Variants in UFL1 observed in about 807,000 individuals in gnomAD.
UFL1 encodes the protein E3 UFM1-protein ligase 1.
Under a neutral mutation model 99.3 loss-of-function variants are expected in UFL1, and 78 were observed. The observed-to-expected ratio is 0.79, with a 90% CI of 0.65 to 0.95. UFL1 has a LOEUF of 0.95. UFL1 is among the 40% of genes least tolerant of loss of function. The probability of loss-of-function intolerance (pLI) is 0.00; values close to 1 mark genes in which losing one functional copy is unlikely to be tolerated. For missense variants in UFL1, 936 were observed against 937.0 expected (o/e 1.00, Z 0.01); for synonymous variants, 335 against 322.2 (o/e 1.04, Z -0.42).
intron 11 of UFL1, among the ~76,000 whole-genome samples, chr6:96,541,783 T>A (rs1484842807): frequency 6.6e-6 from 1 of 151,358 alleles, no homozygotes; most frequent in African/African-American, 2.4e-5. Flanking sequence ...TTATTTTCAG[T>A]GATAATGCTA....
intron 18 of UFL1, among the ~76,000 whole-genome samples, chr6:96,552,902 A>G (rs762285772): frequency 6.6e-6 from 1 of 152,122 alleles, no homozygotes; most frequent in African/African-American, 2.4e-5. Context: ...AATAATGTCA[A>G]ATCTCCCATT....
chr6:96,543,966 A>G (rs1034628464), intron 12 of UFL1, among the ~76,000 whole-genome samples: 1 of 151,160 alleles, frequency 6.6e-6, no homozygotes, highest in African/African-American at 2.4e-5. Context: ...TATAACCAAC[A>G]GTAAAAGCTT....
At position 96,529,194 on chromosome 6, in the gene UFL1, G is replaced by A. The variant is rs1457677508; in HGVS notation, c.596+562G>A. Among the ~76,000 whole-genome samples, 10 of 152,246 alleles carry A rather than the reference G, an allele frequency of 6.6e-5. No individual in the cohort carries two copies. In the East Asian group the frequency reaches 1.9e-3, roughly 29 times the overall value. On this transcript the variant is annotated intron_variant, in intron 6 of 18. Transcript: ENST00000369278. ...ATTTGGGTCTGTGTGACAGACTCCAGCATAGAATTCAGAAAACCTATATTC... is the reference window on the plus strand; with the variant it reads ...ATTTGGGTCTGTGTGACAGACTCCAACATAGAATTCAGAAAACCTATATTC...
At chr6:96,540,339 A>T (rs920360979) in intron 10 of UFL1, among the ~76,000 whole-genome samples, 196 bp from the exon 11 acceptor site, 1 of 151,486 alleles carries the variant, frequency 6.6e-6, no homozygotes, top group Admixed American at 6.6e-5. Flanking sequence ...GGTACAAAAA[A>T]GGTCAAGAGC....
intron 6 of UFL1, among the ~76,000 whole-genome samples, chr6:96,531,332 T>A (rs913922216): frequency 1.9e-4 from 29 of 152,226 alleles, no homozygotes; most frequent in Non-Finnish European, 2.9e-5. Context: ...TACTTCCATT[T>A]CTAGTCCAAT....
At chr6:96,551,579 A>AT (rs1770080878) in intron 16 of UFL1, 66 bp downstream of exon 16, 8 of 1,143,882 alleles carry the variant, frequency 7.0e-6, no homozygotes, top group East Asian at 2.7e-5. Context: ...CTTTGAGTAG[A>AT]TTTTTTTATC....
At chr6:96,553,149 A>G (rs1191550025) in intron 18 of UFL1, 136 bp from the exon 19 acceptor site, 10 of 709,030 alleles carry the variant, frequency 1.4e-5, no homozygotes, top group Middle Eastern at 3.0e-4. Context: ...AAACTGCTAG[A>G]TTAGACTTGC....
chr6:96,527,418 C>G (rs1769719785), intron 5 of UFL1, among the ~76,000 whole-genome samples: 1 of 151,750 alleles, frequency 6.6e-6, no homozygotes, highest in South Asian at 2.1e-4. Context: ...AGGGAGAAGC[C>G]AAATCTCTCT....
Position 96,524,423 on chromosome 6 carries a change from T to C in UFL1, c.252+13T>C. ...TGATCTACAACAGGTAGGTTTTAAA[T>C]TTATAAAATTTTTGCTTTACTTTCT... is the stretch of plus-strand genomic sequence containing the variant. On this transcript the variant is annotated intron_variant, in intron 3 of 18. Coordinates refer to ENST00000369278, the MANE Select transcript of UFL1 (RefSeq NM_015323.5). The C allele has an allele frequency of 6.4e-7, 1 of 1,567,824 alleles. No homozygotes were observed. Among genetic ancestry groups the C allele is most frequent in the East Asian group, 2.3e-5 (1 of 43,592 alleles).
At chr6:96,529,581 T>C (rs1018060362) in intron 6 of UFL1, among the ~76,000 whole-genome samples, 2 of 152,224 alleles carry the variant, frequency 1.3e-5, no homozygotes, top group South Asian at 2.1e-4. Flanking sequence ...TACTCTTTTT[T>C]TAAACATAAC....
chr6:96,537,323 T>C (rs1422390501), intron 8 of UFL1, 51 bp from the exon 9 acceptor site: 1 of 1,461,788 alleles, frequency 6.8e-7, no homozygotes, highest in African/African-American at 1.5e-5. Flanking sequence ...TTTTCACTTT[T>C]GTCTTACATG....
At position 96,543,850 on chromosome 6, in the gene UFL1, A is replaced by G. The variant is rs566229371; in HGVS notation, c.1402+834A>G. Among the ~76,000 whole-genome samples the G allele has an allele frequency of 2.6e-4, 39 of 151,270 alleles. No homozygotes were observed. In the South Asian group the frequency reaches 7.3e-3, roughly 28 times the overall value. On this transcript the variant is annotated intron_variant, in intron 12 of 18. Transcript: ENST00000369278. ...ACTGTTCAGACTATTCCTGATAAGTATTTTACACAGAAATAAAACACTTTC... is the reference window on the plus strand; with the variant it reads ...ACTGTTCAGACTATTCCTGATAAGTGTTTTACACAGAAATAAAACACTTTC...
rs1769871587 is a variant in UFL1 at position 96,537,560 on chromosome 6, T to G, written c.978+11T>G. 1 of 1,559,608 alleles carries G rather than the reference T, an allele frequency of 6.4e-7. No individual in the cohort carries two copies. Among genetic ancestry groups the G allele is most frequent in the Non-Finnish European group, 8.6e-7 (1 of 1,159,612 alleles). ...TGGGTTGATATTGCAGTATGTTTTA[T>G]CTTTTCCTCACTTTTCTTTAAACAG... On this transcript the variant is annotated intron_variant, in intron 9 of 18. Transcript: ENST00000369278.
intron 12 of UFL1, among the ~76,000 whole-genome samples, chr6:96,545,407 A>G (rs982892220): frequency 1.1e-4 from 16 of 150,972 alleles, no homozygotes; most frequent in African/African-American, 3.9e-4. Context: ...CTGCATACAA[A>G]CTTTCCTGAC....
Position 96,537,550 on chromosome 6 carries a change from G to T in UFL1, c.978+1G>T. On this transcript the variant is annotated splice_donor_variant, in intron 9 of 18. Transcript: ENST00000369278. LOFTEE classifies it high-confidence loss of function. Reference sequence around the variant, plus strand: ...CTCTGGAACATGGGTTGATATTGCAGTATGTTTTATCTTTTCCTCACTTTT... The same window carrying T: ...CTCTGGAACATGGGTTGATATTGCATTATGTTTTATCTTTTCCTCACTTTT... The T allele has an allele frequency of 1.3e-6, 2 of 1,577,046 alleles. No individual in the cohort carries two copies. The highest frequency in any genetic ancestry group is 1.7e-6 in the Non-Finnish European group (2 of 1,167,338).
intron 6 of UFL1, among the ~76,000 whole-genome samples, chr6:96,532,704 C>G (rs1042400275): frequency 6.6e-6 from 1 of 152,122 alleles, no homozygotes. Flanking sequence ...TAAATTGAAG[C>G]AGCTTGAAAC....
chr6:96,555,229 G>T lies in UFL1; in HGVS notation c.*1726G>T, dbSNP rs764034397. 4 of 151,728 alleles carry T rather than the reference G, an allele frequency of 2.6e-5. No homozygotes were observed. Among genetic ancestry groups the T allele is most frequent in the African/African-American group, 4.8e-5 (2 of 41,274 alleles). The allele number at this position is 151,728 out of a possible 1,614,324, so 9.4% of individuals were successfully genotyped here. The stretch of plus-strand genomic sequence containing the variant: ...TTGTATGTTTACTGTGATCTTAATG[G>T]GCAGGGTTAAGAAAGTTATTTAAAA... On this transcript the variant is annotated 3_prime_UTR_variant, in exon 19 of 19. Coordinates refer to ENST00000369278, the MANE Select transcript of UFL1 (RefSeq NM_015323.5).
chr6:96,523,315 T>G (rs756023018), intron 2 of UFL1, 24 bp downstream of exon 2: 1 of 1,552,064 alleles, frequency 6.4e-7, no homozygotes. Context: ...TAGTGTTTTT[T>G]TTTTTCTTGG....
chr6:96,532,474 G>A (rs1769795625), intron 6 of UFL1, among the ~76,000 whole-genome samples: 1 of 152,204 alleles, frequency 6.6e-6, no homozygotes, highest in South Asian at 2.1e-4. Context: ...GTATTGGGAA[G>A]TAGGGCCTAG....
Sources: allele counts gnomAD v4.1 joint callset (sites outside exome capture counted in the v4.1 genomes callset), GRCh38; gene constraint gnomAD v4.1.1; transcripts MANE v1.5; gene names NCBI Gene and HGNC (gene_info 2026-07-23, HGNC 2026-07-21).